OLFML1: variants seen among roughly 807,000 people sequenced by gnomAD.
OLFML1 encodes olfactomedin like 1.
A neutral mutation model predicts 37.3 loss-of-function variants in OLFML1; 33 were observed. The observed-to-expected ratio is 0.88, with a 90% confidence interval of 0.67 to 1.18. OLFML1 has a LOEUF of 1.18. Among genes scored for constraint, OLFML1 ranks in the 50% most tolerant of loss-of-function variants. The pLI is 0.00. For synonymous variants in OLFML1, 186 were observed against 181.3 expected (o/e 1.03, Z -0.21); for missense variants, 545 against 483.7 (o/e 1.13, Z -1.19).
rs76893220 is a variant in OLFML1 at position 7,489,143 on chromosome 11, C to T, written c.418+728C>T. Among the ~76,000 whole-genome samples, 34 of 152,218 alleles carry T rather than the reference C, an allele frequency of 2.2e-4. 2 individuals carry two copies. The highest frequency in any genetic ancestry group is 1.4e-3 in the Admixed American group (22 of 15,292). On this transcript the variant is annotated intron_variant, in intron 2 of 2. Coordinates refer to ENST00000329293, the MANE Select transcript of OLFML1 (RefSeq NM_198474.4). ...GAAGACTTTATTTACATGCTAATTA[C>T]GTCTGTTCCAATTCAAGAACCTCCA...
intron 2 of OLFML1, among the ~76,000 whole-genome samples, chr11:7,505,619 C>T (rs1336476680): frequency 6.6e-6 from 1 of 152,124 alleles, no homozygotes; most frequent in Non-Finnish European, 1.5e-5. Context: ...CCACTTGAGT[C>T]CTAGAGTTTG....
At chr11:7,487,737 C>G (rs1848541763) in intron 1 of OLFML1, among the ~76,000 whole-genome samples, 1 of 151,876 alleles carries the variant, frequency 6.6e-6, no homozygotes, top group Non-Finnish European at 1.5e-5. Flanking sequence ...GTAAATGTAC[C>G]TCAAAAAGAG....
At chr11:7,500,090 A>C (rs1055578865) in intron 2 of OLFML1, among the ~76,000 whole-genome samples, 1 of 152,112 alleles carries the variant, frequency 6.6e-6, no homozygotes, top group Non-Finnish European at 1.5e-5. Context: ...ACGAGGTCTC[A>C]CTATGTTGCG....
chr11:7,510,058 T>G lies in OLFML1; in HGVS notation c.1079T>G (p.Phe360Cys). The stretch of plus-strand genomic sequence containing the variant: ...AGTGAGGAGGACTTGCCCAACTTGT[T>G]CTTCCCCAAGAGACCAAGAAGTCAC... Reference protein sequence around the residue: ...TISEEDLPNLFFPKRPRSHSM... With the variant: ...TISEEDLPNLCFPKRPRSHSM... Residue 360 changes from phenylalanine (F) to cysteine (C), a missense_variant, in exon 3 of 3, where the codon TTC (phenylalanine) becomes TGC (cysteine). Phe to Cys is a radical substitution (Grantham distance 205). Transcript: ENST00000329293. 6.2e-7 allele frequency: 1 copy of G among 1,614,224 alleles called. No homozygotes were observed. Among genetic ancestry groups the G allele is most frequent in the Non-Finnish European group, 8.5e-7 (1 of 1,180,034 alleles).
chr11:7,493,507 G>GGT (rs200422872), intron 2 of OLFML1, among the ~76,000 whole-genome samples: 1 of 152,224 alleles, frequency 6.6e-6, no homozygotes, highest in South Asian at 2.1e-4. Flanking sequence ...TGTAAGTACA[G>GGT]GTGTGTGTGT....
At chr11:7,493,498 G>C (rs57905413) in intron 2 of OLFML1, among the ~76,000 whole-genome samples, 3,029 of 152,344 alleles carry the variant, frequency 0.02, 107 homozygotes, top group African/African-American at 0.069. Flanking sequence ...AAATGCAGGT[G>C]TAAGTACAGG....
In OLFML1 at chr11:7,485,596, G is replaced by C; in HGVS notation, c.-280G>C. Reference sequence around the variant, plus strand: ...GGGAGGGTCCGCATGTGTCAAGGGTGAGGGCAACAGATGCTGGACCCAGGG... The same window carrying C: ...GGGAGGGTCCGCATGTGTCAAGGGTCAGGGCAACAGATGCTGGACCCAGGG... On this transcript the variant is annotated 5_prime_UTR_variant, in exon 1 of 3. An upstream open reading frame in the 5' UTR loses its in-frame stop. Transcript: ENST00000329293. 1 of 378,608 alleles carries C rather than the reference G, an allele frequency of 2.6e-6. No homozygotes were observed. Among genetic ancestry groups the C allele is most frequent in the Non-Finnish European group, 4.8e-6 (1 of 208,236 alleles). 23.5% of individuals were successfully genotyped at this position (378,608 alleles called of 1,614,324 possible). A position where few individuals can be genotyped will look rare whatever the true frequency, so the allele number is the denominator to read the frequency against.
chr11:7,492,245 C>G (rs1414381942), intron 2 of OLFML1, among the ~76,000 whole-genome samples: 1 of 152,200 alleles, frequency 6.6e-6, no homozygotes, highest in Admixed American at 6.5e-5. Context: ...TGTCTTCCAA[C>G]CATGGCCTCT....
At chr11:7,489,875 AT>A (rs893042146) in intron 2 of OLFML1, among the ~76,000 whole-genome samples, 3 of 151,808 alleles carry the variant, frequency 2.0e-5, no homozygotes, top group African/African-American at 7.3e-5. Context: ...TTACTCTATA[AT>A]TTTTTTCAGA....
chr11:7,495,243 T>C (rs1294166855), intron 2 of OLFML1, among the ~76,000 whole-genome samples: 1 of 152,184 alleles, frequency 6.6e-6, no homozygotes, highest in African/African-American at 2.4e-5. Flanking sequence ...TTCAGGGCTT[T>C]ATCCTATATT....
At chr11:7,487,284 T>C (rs1043510529) in intron 1 of OLFML1, among the ~76,000 whole-genome samples, 6 of 152,194 alleles carry the variant, frequency 3.9e-5, no homozygotes, top group African/African-American at 1.4e-4. Context: ...AATACAGTGA[T>C]AGCATTCCCA....
chr11:7,506,577 C>A (rs1194667244), intron 2 of OLFML1, among the ~76,000 whole-genome samples: 1 of 152,046 alleles, frequency 6.6e-6, no homozygotes, highest in Non-Finnish European at 1.5e-5. Flanking sequence ...CCATGAAGAC[C>A]AGTATGGTAT....
At position 7,488,550 on chromosome 11, in the gene OLFML1, G is replaced by T. The variant is rs138600165; in HGVS notation, c.418+135G>T. The T allele has an allele frequency of 6.6e-3, 4,510 of 681,922 alleles. 34 individuals carry two copies. Among genetic ancestry groups the T allele is most frequent in the Middle Eastern group, 0.032 (131 of 4,032 alleles). 42.2% of individuals were successfully genotyped at this position (681,922 alleles called of 1,614,324 possible). ...GGTGTGCTTTTGTGTGCATTGCTGA[G>T]AGAGAAAGCTATACAGAGAACAGGT... On this transcript the variant is annotated intron_variant, in intron 2 of 2. Coordinates refer to ENST00000329293, the MANE Select transcript of OLFML1 (RefSeq NM_198474.4).
chr11:7,500,799 C>T (rs1243968021), intron 2 of OLFML1, among the ~76,000 whole-genome samples: 1 of 151,120 alleles, frequency 6.6e-6, no homozygotes, highest in Non-Finnish European at 1.5e-5. Flanking sequence ...TTTGGGAGGC[C>T]AAGGCCAGGA....
At chr11:7,506,758 G>A (rs1590063857) in intron 2 of OLFML1, among the ~76,000 whole-genome samples, 1 of 152,288 alleles carries the variant, frequency 6.6e-6, no homozygotes, top group South Asian at 2.1e-4. Context: ...AGGGGTTGAT[G>A]GGTGAGAATG....
chr11:7,497,204 T>C (rs567482230), intron 2 of OLFML1, among the ~76,000 whole-genome samples: 1 of 152,172 alleles, frequency 6.6e-6, no homozygotes, highest in Non-Finnish European at 1.5e-5. Context: ...TATTGATATT[T>C]ACCATGTACA....
At chr11:7,505,646 C>T (rs983084825) in intron 2 of OLFML1, among the ~76,000 whole-genome samples, 3 of 152,146 alleles carry the variant, frequency 2.0e-5, no homozygotes, top group African/African-American at 7.2e-5. Context: ...GCCTGGGCAA[C>T]ATAGTAGACC....
intron 2 of OLFML1, among the ~76,000 whole-genome samples, chr11:7,491,714 C>T (rs1219090449): frequency 9.2e-5 from 14 of 151,404 alleles, no homozygotes; most frequent in East Asian, 3.9e-4. Flanking sequence ...CTTAAAACTA[C>T]ACATTTACTA....
chr11:7,496,998 C>G (rs1420024917), intron 2 of OLFML1, among the ~76,000 whole-genome samples: 3 of 152,160 alleles, frequency 2.0e-5, no homozygotes, highest in Admixed American at 1.3e-4. Context: ...CCATTGTACT[C>G]CAGCCTGGGT....
Sources: allele counts gnomAD v4.1 joint callset (sites outside exome capture counted in the v4.1 genomes callset), GRCh38; gene constraint gnomAD v4.1.1; transcripts MANE v1.5; gene names NCBI Gene and HGNC (gene_info 2026-07-23, HGNC 2026-07-21).